LYSMD4: variants seen among roughly 807,000 people sequenced by gnomAD.
LYSMD4 encodes the protein lysM and putative peptidoglycan-binding domain-containing protein 4.
In LYSMD4, 9 loss-of-function variants were observed where a neutral mutation model predicts 6.1. That is an observed-to-expected ratio of 1.47 (90% confidence interval 0.88 to 2.56). LYSMD4 has a LOEUF of 2.56. LYSMD4 is among the 30% of genes most tolerant of loss of function. The pLI, the probability that LYSMD4 is intolerant of heterozygous loss-of-function variation, is 0.00. For missense variants in LYSMD4, 384 were observed against 373.5 expected (o/e 1.03, Z -0.23); for synonymous variants, 143 against 148.5 (o/e 0.96, Z 0.27).
At chr15:99,716,749 G>A (rs772738057) in exon 1 of LYSMD4, 2 of 453,762 alleles carry the variant, frequency 4.4e-6, no homozygotes, top group African/African-American at 2.0e-5. Context: ...TCCCACCGGG[G>A]CCTAATCTGG....
chr15:99,731,586 C>T, intron 2 of LYSMD4, 132 bp downstream of exon 2: 1 of 1,525,344 alleles, frequency 6.6e-7, no homozygotes, highest in Non-Finnish European at 8.8e-7. Flanking sequence ...ATAGGGGAGT[C>T]CTTGGCTGCT....
At chr15:99,732,237 A>G (rs2059436338) in intron 1 of LYSMD4, among the ~76,000 whole-genome samples, 2 of 152,214 alleles carry the variant, frequency 1.3e-5, no homozygotes, top group Admixed American at 1.3e-4. Flanking sequence ...TTGTGCAGAA[A>G]ACGAACCCCG....
downstream of LYSMD4, among the ~76,000 whole-genome samples, chr15:99,724,899 C>G (rs1052727790): frequency 6.6e-6 from 1 of 152,200 alleles, no homozygotes; most frequent in Non-Finnish European, 1.5e-5. Context: ...ACTGGTCCTT[C>G]CAGGGGCAGT....
upstream of LYSMD4, among the ~76,000 whole-genome samples, chr15:99,721,974 C>A (rs2059240871): frequency 6.6e-6 from 1 of 152,028 alleles, no homozygotes; most frequent in Admixed American, 6.5e-5. Flanking sequence ...GAGTCTGAGG[C>A]ATCTAGAATT....
exon 2 of LYSMD4, chr15:99,716,493 G>GA (rs2059166764): frequency 2.2e-6 from 1 of 456,678 alleles, no homozygotes; most frequent in African/African-American, 2.0e-5. Flanking sequence ...CCTGTGCGTC[G>GA]AGACTCTGTC....
chr15:99,733,077 G>A, intron 1 of LYSMD4: 1 of 348,286 alleles, frequency 2.9e-6, no homozygotes, highest in Non-Finnish European at 5.2e-6. Context: ...AAAATGGGGA[G>A]CGGCCCGGCC....
chr15:99,728,600 T>A lies in LYSMD4; in HGVS notation c.*523A>T, dbSNP rs1212247454. On this transcript the variant is annotated 3_prime_UTR_variant, in exon 3 of 3. Transcript: ENST00000684762. ...TGAGGGGGCCAATATGAAGTAGGCT[T>A]GTTACAACTGTAACTGTCACTCTCT... The A allele has an allele frequency of 6.0e-6, 1 of 167,812 alleles. No homozygotes were observed. The highest frequency in any genetic ancestry group is 2.4e-5 in the African/African-American group (1 of 41,948). The allele number at this position is 167,812 out of a possible 1,614,324, so 10.4% of individuals were successfully genotyped here. A position where few individuals can be genotyped will look rare whatever the true frequency, so the allele number is the denominator to read the frequency against.
chr15:99,726,733 A>C (rs1220396929), downstream of LYSMD4, among the ~76,000 whole-genome samples: 1 of 152,200 alleles, frequency 6.6e-6, no homozygotes, highest in East Asian at 1.9e-4. Context: ...CTATAGTTCA[A>C]CCAAAAAGAC....
chr15:99,725,672 CTTT>C (rs1410086243), downstream of LYSMD4, among the ~76,000 whole-genome samples: 1 of 152,084 alleles, frequency 6.6e-6, no homozygotes, highest in Non-Finnish European at 1.5e-5. Context: ...ATGGATCTAA[CTTT>C]TCTTATTGTG....
downstream of LYSMD4, among the ~76,000 whole-genome samples, chr15:99,725,164 G>GC: frequency 6.6e-6 from 1 of 152,134 alleles, no homozygotes; most frequent in African/African-American, 2.4e-5. Flanking sequence ...AAGGCAAGGT[G>GC]TTGGGAAGAA....
In LYSMD4 at chr15:99,727,539, C is replaced by G. The variant is rs138347830; in HGVS notation, c.*1584G>C. 85 of 152,334 alleles carry G rather than the reference C, an allele frequency of 5.6e-4. No individual in the cohort carries two copies. Among genetic ancestry groups the G allele is most frequent in the African/African-American group, 1.9e-3 (79 of 41,552 alleles). The allele number at this position is 152,334 out of a possible 1,614,324, so 9.4% of individuals were successfully genotyped here. ...GTGACAGTGACAGATGTTAGAGGAA[C>G]CTGTGGCCCTCAGTGACACAGAGAG... On this transcript the variant is annotated 3_prime_UTR_variant, in exon 3 of 3. Coordinates refer to ENST00000684762, the MANE Select transcript of LYSMD4 (RefSeq NM_001284417.2).
chr15:99,732,268 C>A (rs1356103722), intron 1 of LYSMD4, among the ~76,000 whole-genome samples: 1 of 152,188 alleles, frequency 6.6e-6, no homozygotes, highest in African/African-American at 2.4e-5. Context: ...TCATCCATAG[C>A]TGTCTCCCCT....
chr15:99,716,570 C>T (rs1213162413), exon 1 of LYSMD4: 5 of 456,686 alleles, frequency 1.1e-5, no homozygotes, highest in Admixed American at 7.0e-5. Context: ...AAGCCCTCTC[C>T]TTTTTCATTC....
downstream of LYSMD4, among the ~76,000 whole-genome samples, chr15:99,726,254 G>A (rs989484696): frequency 5.1e-5 from 7 of 136,830 alleles, no homozygotes; most frequent in Admixed American, 8.3e-5. Flanking sequence ...AGCCATTCCC[G>A]TGCCACAGCC....
At position 99,729,619 on chromosome 15, in the gene LYSMD4, T is replaced by C. The variant is rs1206942745; in HGVS notation, c.395A>G (p.Glu132Gly). Residue 132 changes from glutamate (E) to glycine (G), a missense_variant, in exon 3 of 3, where the codon GAA (glutamate) becomes GGA (glycine). Coordinates refer to ENST00000684762, the MANE Select transcript of LYSMD4 (RefSeq NM_001284417.2). Reference sequence around the variant, plus strand: ...AGACGGGCTCAGAAGGGGTTTCAGTTCTTTGTGGGTCTCCATCAGGATCCC... The same window carrying C: ...AGACGGGCTCAGAAGGGGTTTCAGTCCTTTGTGGGTCTCCATCAGGATCCC... The part of the protein sequence containing the change: ...NHGILMETHK[E>G]LKPLLSPSSE... 2.5e-6 allele frequency: 4 copies of C among 1,614,118 alleles called. No homozygotes were observed. The highest frequency in any genetic ancestry group is 1.1e-5 in the South Asian group (1 of 91,084).
At chr15:99,725,373 C>T (rs111575991), downstream of LYSMD4, among the ~76,000 whole-genome samples, 1 of 152,234 alleles carries the variant, frequency 6.6e-6, no homozygotes, top group African/African-American at 2.4e-5. Context: ...CACATTCTCA[C>T]CACCTGTTTC....
downstream of LYSMD4, among the ~76,000 whole-genome samples, chr15:99,726,325 G>A (rs1041357232): frequency 6.6e-6 from 1 of 151,818 alleles, no homozygotes. Flanking sequence ...TGTATTTTTA[G>A]TAGAGAGGGG....
upstream of LYSMD4, among the ~76,000 whole-genome samples, chr15:99,719,870 T>C (rs150969962): frequency 2.2e-3 from 329 of 152,338 alleles, 2 homozygotes; most frequent in African/African-American, 7.6e-3. Flanking sequence ...TTTTTTATTT[T>C]TACCAGTCTG....
At chr15:99,731,458 T>C in intron 2 of LYSMD4, 8 of 1,599,870 alleles carry the variant, frequency 5.0e-6, no homozygotes, top group Non-Finnish European at 6.8e-6. Context: ...AATTTCAGTG[T>C]GGAGAAAACA....
Sources: gnomAD v4.1 joint callset for allele counts (sites outside exome capture counted in the v4.1 genomes callset) on GRCh38, gnomAD v4.1.1 for gene constraint, MANE v1.5 for transcripts, NCBI Gene and HGNC (gene_info 2026-07-23, HGNC 2026-07-21) for gene names.